Variants in COL28A1 observed in about 807,000 individuals in gnomAD.
COL28A1 encodes the protein collagen alpha-1(XXVIII) chain.
Under a neutral mutation model 150.2 loss-of-function variants are expected in COL28A1, and 161 were observed. The observed-to-expected ratio is 1.07, with a 90% CI of 0.94 to 1.22. The LOEUF (loss-of-function observed/expected upper bound fraction) is 1.22. Among genes scored for constraint, COL28A1 ranks in the 50% most tolerant of loss-of-function variants. The pLI is 0.00. For synonymous variants in COL28A1, 552 were observed against 469.7 expected, an observed-to-expected ratio of 1.18 and a Z score of -2.26; for missense variants, 1,617 against 1,388.3, an observed-to-expected ratio of 1.16 and a Z score of -2.62.
chr7:7,448,684 C>T (rs1302021532), intron 18 of COL28A1, among the ~76,000 whole-genome samples: 1 of 150,772 alleles, frequency 6.6e-6, no homozygotes, highest in Non-Finnish European at 1.5e-5. Flanking sequence ...TTATAATATT[C>T]CAAATCTGGA....
chr7:7,524,522 C>T (rs1292382609), intron 3 of COL28A1, among the ~76,000 whole-genome samples: 2 of 152,088 alleles, frequency 1.3e-5, no homozygotes, highest in Non-Finnish European at 2.9e-5. Flanking sequence ...CTTTTGTTTC[C>T]TTTATCAGCT....
At chr7:7,394,665 T>C (rs1782738016) in intron 27 of COL28A1, among the ~76,000 whole-genome samples, 1 of 152,114 alleles carries the variant, frequency 6.6e-6, no homozygotes, top group African/African-American at 2.4e-5. Flanking sequence ...GTAGGTCTGA[T>C]GCTGGTTATC....
At chr7:7,455,849 C>A (rs944424119) in intron 16 of COL28A1, among the ~76,000 whole-genome samples, 195 bp downstream of exon 16, 4 of 152,166 alleles carry the variant, frequency 2.6e-5, no homozygotes, top group Non-Finnish European at 4.4e-5. Context: ...ATTTTTTAAG[C>A]CTTTGGAAGT....
At chr7:7,423,729 T>C (rs1395646778) in intron 25 of COL28A1, among the ~76,000 whole-genome samples, 3 of 152,142 alleles carry the variant, frequency 2.0e-5, no homozygotes, top group African/African-American at 4.8e-5. Flanking sequence ...TACCCACACA[T>C]GGGAAAGCAA....
intron 27 of COL28A1, among the ~76,000 whole-genome samples, chr7:7,410,116 G>A (rs966211541): frequency 6.6e-6 from 1 of 152,132 alleles, no homozygotes; most frequent in Non-Finnish European, 1.5e-5. Context: ...GCGTGAACTA[G>A]TAAGTGAAAA....
intron 13 of COL28A1, among the ~76,000 whole-genome samples, chr7:7,488,173 G>T (rs1372098334): frequency 2.0e-5 from 3 of 152,158 alleles, no homozygotes; most frequent in Middle Eastern, 6.3e-3. Context: ...AACCAAAATA[G>T]AGACCAAAAT....
chr7:7,386,547 A>G (rs1318067508), intron 27 of COL28A1, among the ~76,000 whole-genome samples: 1 of 152,214 alleles, frequency 6.6e-6, no homozygotes, highest in Admixed American at 6.5e-5. Context: ...TACCTGGTGG[A>G]GGTGCCACAT....
chr7:7,413,275 G>C (rs1037570165), intron 27 of COL28A1, among the ~76,000 whole-genome samples: 1 of 151,804 alleles, frequency 6.6e-6, no homozygotes, highest in African/African-American at 2.4e-5. Context: ...GGAATTCTCA[G>C]CCAGGAAGTT....
intron 19 of COL28A1, 121 bp downstream of exon 19, chr7:7,444,297 G>A: frequency 7.4e-7 from 1 of 1,347,238 alleles, no homozygotes; most frequent in Non-Finnish European, 1.0e-6. Context: ...GGGATTGTGA[G>A]ATATTTTTTC....
At chr7:7,514,911 A>G (rs1470397792) in intron 8 of COL28A1, among the ~76,000 whole-genome samples, 2 of 152,156 alleles carry the variant, frequency 1.3e-5, no homozygotes, top group Non-Finnish European at 2.9e-5. Context: ...TGGATATGGA[A>G]AGGAGGTTTT....
At chr7:7,473,631 T>C (rs1282677280) in intron 15 of COL28A1, among the ~76,000 whole-genome samples, 3 of 152,112 alleles carry the variant, frequency 2.0e-5, no homozygotes, top group African/African-American at 7.2e-5. Context: ...AGTGTGGAGA[T>C]TCCTTACAGA....
chr7:7,369,178 C>G (rs1416912685), intron 33 of COL28A1, among the ~76,000 whole-genome samples: 1 of 152,138 alleles, frequency 6.6e-6, no homozygotes, highest in African/African-American at 2.4e-5. Flanking sequence ...AGGAGAGGGA[C>G]AAAGTGGTAA....
chr7:7,339,525 A>C, the COL28A1 span, among the ~76,000 whole-genome samples: 1 of 152,136 alleles, frequency 6.6e-6, no homozygotes, highest in South Asian at 2.1e-4. Flanking sequence ...GATCCTCGGC[A>C]GACTTCTCTT....
Position 7,358,738 on chromosome 7 carries a change from G to C in COL28A1, c.3273C>G (p.Asp1091Glu). 6.2e-7 allele frequency: 1 copy of C among 1,613,998 alleles called. No individual in the cohort carries two copies. The highest frequency in any genetic ancestry group is 8.5e-7 in the Non-Finnish European group (1 of 1,179,928). ...CGEYVVRWYY[D>E]KQVNSCARFW... ...ATCGGGCACAAGAGTTGACCTGTTT[G>C]TCATAATACCATCGAACCACATATT... Residue 1091 changes from aspartate to glutamate, a missense_variant, in exon 35 of 35, where the codon GAC becomes GAG. Coordinates refer to ENST00000399429, the MANE Select transcript of COL28A1 (RefSeq NM_001037763.3).
chr7:7,531,708 A>G lies in COL28A1; in HGVS notation c.321T>C (p.Pro107=). The G allele has an allele frequency of 2.5e-6, 4 of 1,600,738 alleles. No individual in the cohort carries two copies. The highest frequency in any genetic ancestry group is 3.4e-6 in the Non-Finnish European group (4 of 1,167,750). ...QFSSSVQIDP[P]FSSWKDLQTF... is the part of the protein sequence containing the mutation. The stretch of plus-strand genomic sequence containing the variant: ...TCTGCAGGTCCTTCCAGGAAGAAAA[A>G]GGTGGATCAATTTGGACAGAGCTGC... The change falls in exon 3 of 35, where the codon CCT becomes CCC. Residue 107 remains proline, a synonymous_variant. Coordinates refer to ENST00000399429, the MANE Select transcript of COL28A1 (RefSeq NM_001037763.3).
chr7:7,507,216 T>C, intron 9 of COL28A1, 55 bp from the exon 10 acceptor site: 1 of 801,064 alleles, frequency 1.2e-6, no homozygotes, highest in Non-Finnish European at 2.2e-6. Flanking sequence ...CAACGTGCAG[T>C]GATTTTAGGT....
chr7:7,348,645 CTTT>C, the COL28A1 span, among the ~76,000 whole-genome samples: 4 of 31,756 alleles, frequency 1.3e-4, no homozygotes, highest in Non-Finnish European at 7.4e-4. Flanking sequence ...AGTTTCTGCT[CTTT>C]TTTTTTTATT....
At chr7:7,540,943 T>C in the COL28A1 span, among the ~76,000 whole-genome samples, 2 of 152,190 alleles carry the variant, frequency 1.3e-5, no homozygotes, top group African/African-American at 4.8e-5. Flanking sequence ...GTAATATAGG[T>C]AGATATCATC....
At chr7:7,379,204 G>A (rs1329253916) in intron 30 of COL28A1, among the ~76,000 whole-genome samples, 2 of 152,160 alleles carry the variant, frequency 1.3e-5, no homozygotes, top group African/African-American at 4.8e-5. Flanking sequence ...TGCAGTACTA[G>A]GTAAGGAGCC....
Sources: gnomAD v4.1 joint callset for allele counts (sites outside exome capture counted in the v4.1 genomes callset) on GRCh38, gnomAD v4.1.1 for gene constraint, MANE v1.5 for transcripts, NCBI Gene and HGNC (gene_info 2026-07-23, HGNC 2026-07-21) for gene names.